Variants in PRICKLE2 observed in about 807,000 individuals in gnomAD.
PRICKLE2 encodes the protein prickle planar cell polarity protein 2.
Under a neutral mutation model 81.4 loss-of-function variants are expected in PRICKLE2, and 21 were observed. That is an observed-to-expected ratio of 0.26 (90% CI 0.18 to 0.37). The LOEUF (loss-of-function observed/expected upper bound fraction) is 0.37, where lower values mean the gene tolerates loss of function less well. Among genes scored for constraint, PRICKLE2 ranks in the 10% least tolerant of loss-of-function variants. PRICKLE2 has a pLI of 1.00. For missense variants in PRICKLE2, 940 were observed against 1,109.0 expected (o/e 0.85, Z 2.16); for synonymous variants, 456 against 421.5 (o/e 1.08, Z -1.00).
chr3:64,151,787 AAAG>A (rs1311327745), intron 6 of PRICKLE2, among the ~76,000 whole-genome samples: 16 of 152,148 alleles, frequency 1.1e-4, no homozygotes, highest in African/African-American at 3.9e-4. Context: ...CTCTTAGCAA[AAAG>A]AAGGTTTATC....
intron 6 of PRICKLE2, among the ~76,000 whole-genome samples, chr3:64,152,006 G>A (rs1489368067): frequency 6.6e-6 from 1 of 152,194 alleles, no homozygotes; most frequent in Non-Finnish European, 1.5e-5. Flanking sequence ...AATGCCCAAT[G>A]ACAAAGCACC....
At chr3:64,119,322 C>A (rs2076990203) in intron 7 of PRICKLE2, among the ~76,000 whole-genome samples, 1 of 152,264 alleles carries the variant, frequency 6.6e-6, no homozygotes, top group East Asian at 1.9e-4. Flanking sequence ...CCCCATAACA[C>A]AAGTTTACCT....
chr3:64,179,306 C>T (rs891061014), intron 2 of PRICKLE2, among the ~76,000 whole-genome samples: 3 of 151,958 alleles, frequency 2.0e-5, no homozygotes, highest in Non-Finnish European at 4.4e-5. Context: ...GAACTCACTA[C>T]CTCAGGTGAT....
At chr3:64,224,350 A>T (rs1290746198) in intron 1 of PRICKLE2, among the ~76,000 whole-genome samples, 1 of 152,226 alleles carries the variant, frequency 6.6e-6, no homozygotes, top group Non-Finnish European at 1.5e-5. Flanking sequence ...CACTCCCTCA[A>T]GAAACCCAGC....
chr3:64,121,952 G>A (rs116075712), intron 7 of PRICKLE2, among the ~76,000 whole-genome samples: 2,332 of 152,270 alleles, frequency 0.015, 20 homozygotes, highest in African/African-American at 0.023. Flanking sequence ...TAGCAGAGAC[G>A]CTCCAAGCTC....
chr3:64,205,627 T>C (rs2078673890), intron 1 of PRICKLE2, among the ~76,000 whole-genome samples: 1 of 152,194 alleles, frequency 6.6e-6, no homozygotes, highest in African/African-American at 2.4e-5. Context: ...GATCTTCCTT[T>C]AGAACATGAT....
At chr3:64,247,778 C>T (rs1381169526) in intron 2 of PRICKLE2, among the ~76,000 whole-genome samples, 1 of 152,188 alleles carries the variant, frequency 6.6e-6, no homozygotes, top group Non-Finnish European at 1.5e-5. Flanking sequence ...TTCATGACAA[C>T]TTAAATTGCT....
chr3:64,230,526 G>A (rs1575693273), intron 2 of PRICKLE2, among the ~76,000 whole-genome samples: 1 of 152,156 alleles, frequency 6.6e-6, no homozygotes, highest in African/African-American at 2.4e-5. Flanking sequence ...TGTAGGTAAA[G>A]ATGCATAGCT....
At chr3:64,242,561 C>A (rs376139698) in intron 2 of PRICKLE2, among the ~76,000 whole-genome samples, 2 of 152,228 alleles carry the variant, frequency 1.3e-5, no homozygotes, top group African/African-American at 2.4e-5. Context: ...CAGTATAGAG[C>A]AACAATGTAT....
chr3:64,175,417 T>A (rs1317774974), intron 2 of PRICKLE2, among the ~76,000 whole-genome samples: 1 of 152,200 alleles, frequency 6.6e-6, no homozygotes, highest in Non-Finnish European at 1.5e-5. Context: ...ACCTACTTCT[T>A]AGATCGTGTC....
chr3:64,183,399 A>C (rs1023019552), intron 2 of PRICKLE2, among the ~76,000 whole-genome samples: 1 of 152,138 alleles, frequency 6.6e-6, no homozygotes, highest in East Asian at 1.9e-4. Context: ...TATATTTATA[A>C]GGAATGTTAC....
intron 7 of PRICKLE2, among the ~76,000 whole-genome samples, chr3:64,114,168 C>T (rs1453028526): frequency 6.6e-6 from 1 of 150,942 alleles, no homozygotes; most frequent in Non-Finnish European, 1.5e-5. Flanking sequence ...ATACCAAAAT[C>T]AAACCCTCAA....
chr3:64,232,341 T>G (rs940385088), intron 2 of PRICKLE2, among the ~76,000 whole-genome samples: 2 of 152,226 alleles, frequency 1.3e-5, no homozygotes, highest in Non-Finnish European at 2.9e-5. Context: ...TTGGAATTAA[T>G]AAAAAGCTTG....
Position 64,159,833 on chromosome 3 carries a change from T to C in PRICKLE2, c.396+107A>G, listed in dbSNP as rs564671359. 2.9e-4 allele frequency: 410 copies of C among 1,420,432 alleles called. 1 individual carries two copies. Among genetic ancestry groups the C allele is most frequent in the Middle Eastern group, 3.8e-4 (2 of 5,216 alleles). 88.0% of individuals were successfully genotyped at this position (1,420,432 alleles called of 1,614,324 possible). The stretch of plus-strand genomic sequence containing the variant: ...AACTTTCCCGTCTTTTGTTCACTAC[T>C]GTATCTCAGGCACATAGTAGGCACT... On this transcript the variant is annotated intron_variant, in intron 4 of 7. Coordinates refer to ENST00000638394, the MANE Select transcript of PRICKLE2 (RefSeq NM_198859.4).
Position 64,225,455 on chromosome 3 carries a change from C to A in PRICKLE2, c.-586G>T, listed in dbSNP as rs1179786633. 3 of 985,062 alleles carry A rather than the reference C, an allele frequency of 3.0e-6. No homozygotes were observed. Among genetic ancestry groups the A allele is most frequent in the East Asian group, 1.1e-4 (1 of 8,792 alleles). The allele number at this position is 985,062 out of a possible 1,614,324, so 61.0% of individuals were successfully genotyped here. On this transcript the variant is annotated 5_prime_UTR_variant, in exon 1 of 8. Coordinates refer to ENST00000638394, the MANE Select transcript of PRICKLE2 (RefSeq NM_198859.4). Reference sequence around the variant, plus strand: ...GCGCTGCTGGTGGTGCCTGAGAAGTCGCTGTTGCAGTGCTTGCATCCTCCG... The same window carrying A: ...GCGCTGCTGGTGGTGCCTGAGAAGTAGCTGTTGCAGTGCTTGCATCCTCCG...
chr3:64,144,623 C>T (rs2077415531), intron 7 of PRICKLE2, among the ~76,000 whole-genome samples: 1 of 152,214 alleles, frequency 6.6e-6, no homozygotes, highest in East Asian at 1.9e-4. Flanking sequence ...TGGTACCTTG[C>T]CCACAAAGGG....
intron 2 of PRICKLE2, among the ~76,000 whole-genome samples, chr3:64,265,304 T>C (rs2079683698): frequency 6.6e-6 from 1 of 152,148 alleles, no homozygotes; most frequent in Admixed American, 6.5e-5. Flanking sequence ...TAAACCTCAA[T>C]ACAATTTCCA....
intron 2 of PRICKLE2, among the ~76,000 whole-genome samples, chr3:64,261,756 G>C (rs758523065): frequency 6.6e-6 from 1 of 152,140 alleles, no homozygotes; most frequent in African/African-American, 2.4e-5. Context: ...TAGCCAGGTA[G>C]GAAGATGCCC....
intron 7 of PRICKLE2, among the ~76,000 whole-genome samples, chr3:64,140,700 G>A (rs1311268021): frequency 2.0e-5 from 3 of 152,110 alleles, no homozygotes; most frequent in Admixed American, 6.6e-5. Flanking sequence ...CTCTTGCCCA[G>A]GCACCAGCCC....
Sources: allele counts gnomAD v4.1 joint callset (sites outside exome capture counted in the v4.1 genomes callset), GRCh38; gene constraint gnomAD v4.1.1; transcripts MANE v1.5; gene names NCBI Gene and HGNC (gene_info 2026-07-23, HGNC 2026-07-21).